GPALPP1: variants seen among roughly 807,000 people sequenced by gnomAD.
GPALPP1 encodes GPALPP motifs-containing protein 1.
A neutral mutation model predicts 38.9 loss-of-function variants in GPALPP1; 30 were observed. The observed-to-expected ratio is 0.77, with a 90% CI of 0.58 to 1.05. The LOEUF (loss-of-function observed/expected upper bound fraction) is 1.05. Ranked by LOEUF, GPALPP1 falls within the 50% of genes least tolerant of loss-of-function variation. GPALPP1 has a pLI of 0.00. For missense variants in GPALPP1, 384 were observed against 408.8 expected (o/e 0.94, Z 0.52); for synonymous variants, 120 against 139.2 (o/e 0.86, Z 0.97).
At chr13:45,033,071 G>A (rs1876281325), downstream of GPALPP1, among the ~76,000 whole-genome samples, 1 of 151,380 alleles carries the variant, frequency 6.6e-6, no homozygotes, top group South Asian at 2.1e-4. Flanking sequence ...AGATTTGCAT[G>A]GTACCAAGGC....
chr13:45,006,042 AAAAG>A (rs996282998), intron 2 of GPALPP1, among the ~76,000 whole-genome samples, 156 bp from the exon 3 acceptor site: 13 of 152,242 alleles, frequency 8.5e-5, no homozygotes, highest in Non-Finnish European at 1.3e-4. Flanking sequence ...TAAAAAAAAA[AAAAG>A]AACTATCGTA....
chr13:45,027,106 G>A (rs539149731), intron 7 of GPALPP1, among the ~76,000 whole-genome samples: 102 of 152,262 alleles, frequency 6.7e-4, no homozygotes, highest in Non-Finnish European at 1.1e-3. Flanking sequence ...ATTGAAGGCT[G>A]CTGGTCTGTA....
intron 7 of GPALPP1, among the ~76,000 whole-genome samples, chr13:45,022,640 C>T (rs1246325886): frequency 6.6e-6 from 1 of 152,078 alleles, no homozygotes; most frequent in African/African-American, 2.4e-5. Flanking sequence ...TTTGATAAGT[C>T]GAGCAGTCTT....
intron 1 of GPALPP1, chr13:44,990,304 C>G: frequency 5.2e-6 from 1 of 191,388 alleles, no homozygotes; most frequent in Non-Finnish European, 1.1e-5. Context: ...TGCGCAATTC[C>G]TTAACGCTCT....
In GPALPP1 at chr13:44,989,758, T is replaced by C. The variant is rs1360560173; in HGVS notation, c.88+16T>C. 2 of 1,589,664 alleles carry C rather than the reference T, an allele frequency of 1.3e-6. No individual in the cohort carries two copies. The highest frequency in any genetic ancestry group is 1.7e-5 in the Admixed American group (1 of 59,856). ...CCGAGCCCTGGTAAGCGGCGGCGTC[T>C]CCGCTGCCCACCAGGCCCATCTACC... is the stretch of plus-strand genomic sequence containing the variant. On this transcript the variant is annotated intron_variant, in intron 1 of 7. Transcript: ENST00000379151.
rs58048658 is a variant in GPALPP1, at chr13:45,024,147, C to CTG, written c.805-3578_805-3577dup. Among the ~76,000 whole-genome samples, 182 of 23,370 alleles carry CTG rather than the reference C, an allele frequency of 7.8e-3. 6 individuals are homozygous for CTG. The highest frequency in any genetic ancestry group is 0.013 in the South Asian group (8 of 608). The allele number at this position is 23,370 out of a possible 152,430, so 15.3% of individuals were successfully genotyped here. A position where few individuals can be genotyped will look rare whatever the true frequency, so the allele number is the denominator to read the frequency against. On this transcript the variant is annotated intron_variant, in intron 7 of 7. Coordinates refer to ENST00000379151, the MANE Select transcript of GPALPP1 (RefSeq NM_018559.5). ...TTTTTGCTTGGTATCCCCTAAAACT[C>CTG]TGTGTGTGTGTGTGTGTGTGTGTGT...
downstream of GPALPP1, chr13:45,031,607 C>T (rs1876200392): frequency 6.7e-6 from 1 of 150,314 alleles, no homozygotes; most frequent in East Asian, 1.9e-4. Flanking sequence ...GAGTTACTAC[C>T]TTACTGGCCT....
In GPALPP1 at chr13:44,992,679, A is replaced by AGGGTATCCT. The variant is rs1170404602; in HGVS notation, c.88+2940_88+2948dup. On this transcript the variant is annotated intron_variant, in intron 1 of 7. Coordinates refer to ENST00000379151, the MANE Select transcript of GPALPP1 (RefSeq NM_018559.5). The stretch of plus-strand genomic sequence containing the variant: ...GGGATGAAAATTTTTTGCCCCTGTA[A>AGGGTATCCT]GGGTATCCTGGCACCATTTATTGAA... Among the ~76,000 whole-genome samples the AGGGTATCCT allele has an allele frequency of 2.1e-4, 32 of 152,304 alleles. No homozygotes were observed. The East Asian group carries it at 6.0e-3, about 28-fold the overall frequency.
chr13:45,015,514 C>G lies in GPALPP1; in HGVS notation c.623C>G (p.Thr208Ser), dbSNP rs1874799748. Residue 208 changes from threonine (T) to serine (S), a missense_variant, in exon 6 of 8, where the codon ACT becomes AGT. Transcript: ENST00000379151. ...EMKDFGLGPR[T>S]FKRRADDTSG... is the part of the protein sequence containing the mutation. ...AAAGACTTTGGTCTTGGGCCAAGGACTTTTAAGAGAAGAGCTGATGACACA... is the reference window on the plus strand; with the variant it reads ...AAAGACTTTGGTCTTGGGCCAAGGAGTTTTAAGAGAAGAGCTGATGACACA... 1 of 1,607,714 alleles carries G rather than the reference C, an allele frequency of 6.2e-7. No homozygotes were observed.
chr13:45,007,614 C>T (rs1874191149), intron 3 of GPALPP1, among the ~76,000 whole-genome samples: 1 of 152,138 alleles, frequency 6.6e-6, no homozygotes, highest in Non-Finnish European at 1.5e-5. Flanking sequence ...TTGTTCTGCT[C>T]AAAGAAGTTT....
At chr13:45,014,730 G>A (rs1438113450) in intron 4 of GPALPP1, among the ~76,000 whole-genome samples, 1 of 152,176 alleles carries the variant, frequency 6.6e-6, no homozygotes, top group African/African-American at 2.4e-5. Flanking sequence ...AGAGGTGGGA[G>A]GTGGGAGAGA....
chr13:44,995,193 CA>C (rs1873167750), intron 1 of GPALPP1, among the ~76,000 whole-genome samples: 1 of 37,622 alleles, frequency 2.7e-5, no homozygotes, highest in Non-Finnish European at 1.1e-4. Flanking sequence ...CACACACACA[CA>C]CACACACACC....
Position 45,006,277 on chromosome 13 carries a change from T to TA in GPALPP1, c.302dup (p.Gln102AlafsTer3). The stretch of plus-strand genomic sequence containing the variant: ...TTGGACCAGCCCTTCCTCCTGGATT[T>TA]AAAAAGCAGGATGATTCTCCTCCAA... On this transcript the variant is annotated frameshift_variant, in exon 3 of 8. Transcript: ENST00000379151. LOFTEE classifies it high-confidence loss of function. 1.9e-6 allele frequency: 3 copies of TA among 1,599,320 alleles called. No individual in the cohort carries two copies. The South Asian group carries it at 3.3e-5, about 18-fold the overall frequency.
At chr13:45,013,076 T>C (rs1160174180) in intron 4 of GPALPP1, among the ~76,000 whole-genome samples, 1 of 152,212 alleles carries the variant, frequency 6.6e-6, no homozygotes, top group Non-Finnish European at 1.5e-5. Flanking sequence ...TGGTGATGTA[T>C]GTTCTGTATT....
chr13:45,019,102 T>TATAAATATATATAC lies in GPALPP1; in HGVS notation c.706-1225_706-1224insAATATATATACATA, dbSNP rs1593402686. Among the ~76,000 whole-genome samples, 5 of 142,056 alleles carry TATAAATATATATAC rather than the reference T, an allele frequency of 3.5e-5. No homozygotes were observed. In the East Asian group the frequency reaches 8.1e-4, roughly 23 times the overall value. 93.2% of individuals were successfully genotyped at this position (142,056 alleles called of 152,430 possible). A position where few individuals can be genotyped will look rare whatever the true frequency, so the allele number is the denominator to read the frequency against. On this transcript the variant is annotated intron_variant, in intron 6 of 7. Coordinates refer to ENST00000379151, the MANE Select transcript of GPALPP1 (RefSeq NM_018559.5). ...ATATAAATATATGTATATATATTTATATATATTTATATGTATATATATTTC... is the reference window on the plus strand; with the variant it reads ...ATATAAATATATGTATATATATTTATATAAATATATATACATATATTTATATGTATATATATTTC...
exon 8 of GPALPP1, chr13:45,036,022 T>C (rs999974799): frequency 6.6e-6 from 1 of 152,148 alleles, no homozygotes; most frequent in Non-Finnish European, 1.5e-5. Context: ...AAAAAAATAA[T>C]AACCACCGCA....
chr13:45,014,947 A>G lies in GPALPP1; in HGVS notation c.409-5A>G. 6.3e-7 allele frequency: 1 copy of G among 1,576,454 alleles called. No homozygotes were observed. The highest frequency in any genetic ancestry group is 8.6e-7 in the Non-Finnish European group (1 of 1,162,406). ...TGGTTTAAAGGTAATGTCTTGTTTT[A>G]AAAGGAAACAGACAGCAGTGAAGAT... On this transcript the variant is annotated splice_region_variant and splice_polypyrimidine_tract_variant and intron_variant, in intron 4 of 7. Coordinates refer to ENST00000379151, the MANE Select transcript of GPALPP1 (RefSeq NM_018559.5).
At chr13:45,016,595 A>G (rs914937590) in intron 6 of GPALPP1, among the ~76,000 whole-genome samples, 10 of 152,128 alleles carry the variant, frequency 6.6e-5, no homozygotes, top group African/African-American at 1.4e-4. Flanking sequence ...TACTCCTTCA[A>G]TTTAATCCAT....
At chr13:45,020,528 G>C in intron 7 of GPALPP1, 100 bp downstream of exon 7, 1 of 671,144 alleles carries the variant, frequency 1.5e-6, no homozygotes, top group Non-Finnish European at 2.7e-6. Flanking sequence ...TTGAGACGAA[G>C]AGTTCAAGGC....
Sources: allele counts gnomAD v4.1 joint callset (sites outside exome capture counted in the v4.1 genomes callset), GRCh38; gene constraint gnomAD v4.1.1; transcripts MANE v1.5; gene names NCBI Gene and HGNC (gene_info 2026-07-23, HGNC 2026-07-21).